Variants in PPP3CA observed in about 807,000 individuals in gnomAD.
The protein encoded by PPP3CA is protein phosphatase 3 catalytic subunit alpha, also known as CAM-PRP catalytic subunit.
In PPP3CA, 14 loss-of-function variants were observed where a neutral mutation model predicts 66.5. The observed-to-expected ratio is 0.21, with a 90% CI of 0.14 to 0.33. PPP3CA has a LOEUF of 0.33. Among genes scored for constraint, PPP3CA ranks in the 10% least tolerant of loss-of-function variants. The pLI, the probability that PPP3CA is intolerant of heterozygous loss-of-function variation, is 1.00. For missense variants in PPP3CA, 317 were observed against 639.5 expected, an observed-to-expected ratio of 0.50 and a Z score of 5.44; for synonymous variants, 232 against 226.2, an observed-to-expected ratio of 1.03 and a Z score of -0.23.
chr4:101,063,228 A>G lies in PPP3CA; in HGVS notation c.1081+4T>C. 3 of 1,610,550 alleles carry G rather than the reference A, an allele frequency of 1.9e-6. No individual in the cohort carries two copies. Among genetic ancestry groups the G allele is most frequent in the Non-Finnish European group, 2.5e-6 (3 of 1,177,904 alleles). On this transcript the variant is annotated splice_donor_region_variant and intron_variant, in intron 9 of 13. Coordinates refer to ENST00000394854, the MANE Select transcript of PPP3CA (RefSeq NM_000944.5). ...GAAGAACATCTCAGGATTCCACAAC[A>G]TACCTTTTTCCCCAACAAATGGAAG...
chr4:101,126,887 C>A (rs1057349709), intron 2 of PPP3CA, among the ~76,000 whole-genome samples: 1 of 152,156 alleles, frequency 6.6e-6, no homozygotes, highest in Admixed American at 6.5e-5. Flanking sequence ...AGTACATTAA[C>A]ACTTTGAAAT....
intron 1 of PPP3CA, among the ~76,000 whole-genome samples, chr4:101,252,773 G>T (rs1195119754): frequency 6.6e-6 from 1 of 152,098 alleles, no homozygotes; most frequent in Admixed American, 6.6e-5. Context: ...TTTGGGCCTT[G>T]CCCTCTTGTC....
Position 101,300,717 on chromosome 4 carries a change from G to T in PPP3CA, c.58+46022C>A, listed in dbSNP as rs1407054163. Among the ~76,000 whole-genome samples, 3 of 152,086 alleles carry T rather than the reference G, an allele frequency of 2.0e-5. No individual in the cohort carries two copies. In the East Asian group the frequency reaches 5.8e-4, roughly 29 times the overall value. ...GAAGCTGGGGCACAAGAATCGCTCT[G>T]CCGGGAGGCAGAGGTTGCACTGAGC... On this transcript the variant is annotated intron_variant, in intron 1 of 13. Transcript: ENST00000394854.
At position 101,345,210 on chromosome 4, in the gene PPP3CA, G is replaced by C. The variant is rs113786586; in HGVS notation, c.58+1529C>G. 7.5e-3 allele frequency among the ~76,000 whole-genome samples: 1,141 copies of C among 152,200 alleles called. 12 individuals are homozygous for C. Among genetic ancestry groups the C allele is most frequent in the African/African-American group, 0.026 (1,090 of 41,524 alleles). On this transcript the variant is annotated intron_variant, in intron 1 of 13. Coordinates refer to ENST00000394854, the MANE Select transcript of PPP3CA (RefSeq NM_000944.5). ...TGATTCCAGTAAAACCAAAACAAAA[G>C]AAGATATTTTGTTCTTTCTGAAAAA...
intron 2 of PPP3CA, among the ~76,000 whole-genome samples, chr4:101,145,139 A>G (rs1722929599): frequency 6.6e-6 from 1 of 152,158 alleles, no homozygotes; most frequent in African/African-American, 2.4e-5. Flanking sequence ...TCTATATATA[A>G]TGTTTTCAGG....
At chr4:101,266,217 C>G (rs975921676) in intron 1 of PPP3CA, among the ~76,000 whole-genome samples, 2 of 152,060 alleles carry the variant, frequency 1.3e-5, no homozygotes, top group Non-Finnish European at 2.9e-5. Context: ...TATTCTTATT[C>G]TTTTAACTCT....
intron 1 of PPP3CA, among the ~76,000 whole-genome samples, chr4:101,256,000 G>T (rs2850963): frequency 0.19 from 29,376 of 151,610 alleles, 3,504 homozygotes; most frequent in East Asian, 0.51. Context: ...CCTAAACTAT[G>T]GTCATTAGAT....
intron 1 of PPP3CA, among the ~76,000 whole-genome samples, chr4:101,342,087 A>C (rs527458140): frequency 6.6e-6 from 1 of 152,296 alleles, no homozygotes; most frequent in African/African-American, 2.4e-5. Context: ...ATTATATTTC[A>C]TCTCGCTAAA....
chr4:101,327,462 A>G (rs1389111150), intron 1 of PPP3CA, among the ~76,000 whole-genome samples: 1 of 151,984 alleles, frequency 6.6e-6, no homozygotes, highest in Non-Finnish European at 1.5e-5. Flanking sequence ...AATTTCACTC[A>G]TAAGACACAA....
chr4:101,058,729 G>A (rs924238132), intron 10 of PPP3CA, among the ~76,000 whole-genome samples: 1 of 152,126 alleles, frequency 6.6e-6, no homozygotes, highest in Non-Finnish European at 1.5e-5. Context: ...GGTGAGTAAA[G>A]GGAACTTACT....
intron 1 of PPP3CA, among the ~76,000 whole-genome samples, chr4:101,287,003 C>G (rs1476211503): frequency 6.6e-6 from 1 of 151,130 alleles, no homozygotes; most frequent in Non-Finnish European, 1.5e-5. Flanking sequence ...TATATTCTTT[C>G]CAGCAGGTTT....
chr4:101,337,660 C>T (rs561841838), intron 1 of PPP3CA, among the ~76,000 whole-genome samples: 89 of 152,188 alleles, frequency 5.8e-4, no homozygotes, highest in Admixed American at 9.8e-4. Context: ...TATCCCGGCC[C>T]ATGTGAGAGA....
At chr4:101,091,869 A>T (rs1729963282) in intron 6 of PPP3CA, among the ~76,000 whole-genome samples, 1 of 145,264 alleles carries the variant, frequency 6.9e-6, no homozygotes, top group African/African-American at 2.6e-5. Context: ...AATAATGAAG[A>T]AGAGGAGGAG....
intron 6 of PPP3CA, among the ~76,000 whole-genome samples, chr4:101,085,931 A>G (rs926257386): frequency 6.6e-6 from 1 of 152,000 alleles, no homozygotes; most frequent in Non-Finnish European, 1.5e-5. Flanking sequence ...TAAACACCCC[A>G]AAGAGATGAA....
intron 1 of PPP3CA, among the ~76,000 whole-genome samples, chr4:101,255,819 T>C (rs769236459): frequency 3.3e-5 from 5 of 151,954 alleles, no homozygotes; most frequent in African/African-American, 4.8e-5. Flanking sequence ...GTTTAGCTTG[T>C]TACTTTGTTT....
intron 11 of PPP3CA, among the ~76,000 whole-genome samples, chr4:101,034,238 T>C (rs1727141956): frequency 6.6e-6 from 1 of 152,180 alleles, no homozygotes; most frequent in South Asian, 2.1e-4. Context: ...GGCGCTGCAC[T>C]TTCTTTGTCA....
intron 10 of PPP3CA, among the ~76,000 whole-genome samples, chr4:101,044,047 A>G (rs1265587898): frequency 2.6e-5 from 4 of 152,212 alleles, no homozygotes; most frequent in African/African-American, 9.6e-5. Flanking sequence ...TTTCCATATA[A>G]TCAAAATCAA....
At position 101,176,761 on chromosome 4, in the gene PPP3CA, A is replaced by T. The variant is rs142753974; in HGVS notation, c.259+19155T>A. The stretch of plus-strand genomic sequence containing the variant: ...TGTTTATTAAATTTTAATTACTGTG[A>T]CTAAAATACAACTACTGTGAAGCCC... On this transcript the variant is annotated intron_variant, in intron 2 of 13. Coordinates refer to ENST00000394854, the MANE Select transcript of PPP3CA (RefSeq NM_000944.5). Among the ~76,000 whole-genome samples, 77 of 152,214 alleles carry T rather than the reference A, an allele frequency of 5.1e-4. No homozygotes were observed. In the East Asian group the frequency reaches 8.1e-3, roughly 16 times the overall value.
At chr4:101,091,821 CTAATAATAATAATAA>C (rs34522517) in intron 6 of PPP3CA, among the ~76,000 whole-genome samples, 3,492 of 138,806 alleles carry the variant, frequency 0.025, 69 homozygotes, top group Middle Eastern at 0.091. Flanking sequence ...TCTTCAGTAT[CTAATAATAATAATAA>C]TAATAATAAT....
Sources: allele counts gnomAD v4.1 joint callset (sites outside exome capture counted in the v4.1 genomes callset), GRCh38; gene constraint gnomAD v4.1.1; transcripts MANE v1.5; gene names NCBI Gene and HGNC (gene_info 2026-07-23, HGNC 2026-07-21).